The following LAMTOR3 variants were observed in gnomAD, a reference collection of about 807,000 sequenced individuals.
LAMTOR3 encodes the protein ragulator complex protein LAMTOR3.
Under a neutral mutation model 20.3 loss-of-function variants are expected in LAMTOR3, and 14 were observed. The observed-to-expected ratio is 0.69, with a 90% CI of 0.46 to 1.08. LAMTOR3 has a LOEUF of 1.08. LAMTOR3 is among the 50% of genes least tolerant of loss of function. LAMTOR3 has a pLI of 0.00. For synonymous variants in LAMTOR3, 40 were observed against 49.4 expected, an observed-to-expected ratio of 0.81 and a Z score of 0.80; for missense variants, 125 against 143.7, an observed-to-expected ratio of 0.87 and a Z score of 0.67.
intron 3 of LAMTOR3, among the ~76,000 whole-genome samples, chr4:99,890,026 CAA>C (rs1409575179): frequency 2.6e-5 from 4 of 151,926 alleles, no homozygotes; most frequent in African/African-American, 7.3e-5. Flanking sequence ...ATACAATGCG[CAA>C]AGAGTAATAT....
intron 2 of LAMTOR3, 127 bp downstream of exon 2, chr4:99,893,828 A>T: frequency 1.6e-6 from 1 of 608,780 alleles, no homozygotes; most frequent in Non-Finnish European, 2.7e-6. Flanking sequence ...GAAAATAATT[A>T]ACTGGGATGG....
chr4:99,893,804 C>G (rs1725069257), intron 2 of LAMTOR3, 151 bp downstream of exon 2: 2 of 535,400 alleles, frequency 3.7e-6, no homozygotes, highest in South Asian at 9.5e-5. Flanking sequence ...TAGTCTCCCA[C>G]TTCAGATATC....
chr4:99,884,706 T>C (rs1208717881), intron 5 of LAMTOR3, among the ~76,000 whole-genome samples: 1 of 152,204 alleles, frequency 6.6e-6, no homozygotes, highest in Non-Finnish European at 1.5e-5. Flanking sequence ...GGCTCACATC[T>C]GTAATCCCAG....
intron 3 of LAMTOR3, among the ~76,000 whole-genome samples, chr4:99,889,096 T>C (rs1724978709): frequency 6.6e-6 from 1 of 152,080 alleles, no homozygotes; most frequent in Admixed American, 6.6e-5. Flanking sequence ...TCCCAGCTAC[T>C]TGGGAGACTG....
rs1724780103 is a variant in LAMTOR3, at chr4:99,879,567, T to C, written c.*2427A>G. On this transcript the variant is annotated 3_prime_UTR_variant, in exon 7 of 7. Transcript: ENST00000499666. Reference sequence around the variant, plus strand: ...GAACGATATTAAATAATCCAGATAATGGGAATTCTGGATTTCAATGAGTAC... The same window carrying C: ...GAACGATATTAAATAATCCAGATAACGGGAATTCTGGATTTCAATGAGTAC... The C allele has an allele frequency of 6.6e-6, 1 of 152,104 alleles. No individual in the cohort carries two copies. The highest frequency in any genetic ancestry group is 2.4e-5 in the African/African-American group (1 of 41,376). 9.4% of individuals were successfully genotyped at this position (152,104 alleles called of 1,614,324 possible).
Position 99,894,005 on chromosome 4 carries a change from A to G in LAMTOR3, c.-37-5T>C, listed in dbSNP as rs770276850. ...TCGCAGGATCAATCTCCACGCCTGG[A>G]AGAGAAACTCCCGGTGACTCTTCCC... On this transcript the variant is annotated splice_polypyrimidine_tract_variant and splice_region_variant and intron_variant, in intron 1 of 6. Coordinates refer to ENST00000499666, the MANE Select transcript of LAMTOR3 (RefSeq NM_021970.4). The G allele has an allele frequency of 6.6e-7, 1 of 1,512,514 alleles. No homozygotes were observed. Among genetic ancestry groups the G allele is most frequent in the South Asian group, 1.3e-5 (1 of 76,966 alleles). 93.7% of individuals were successfully genotyped at this position (1,512,514 alleles called of 1,614,324 possible).
intron 2 of LAMTOR3, among the ~76,000 whole-genome samples, chr4:99,892,712 C>G (rs1725044668): frequency 6.8e-6 from 1 of 146,460 alleles, no homozygotes; most frequent in African/African-American, 2.5e-5. Context: ...GAGTTTCGCT[C>G]TTGTTGTCCA....
At chr4:99,890,248 T>C (rs1040332152) in intron 3 of LAMTOR3, among the ~76,000 whole-genome samples, 4 of 152,238 alleles carry the variant, frequency 2.6e-5, no homozygotes, top group African/African-American at 9.6e-5. Flanking sequence ...TATTTGGTTG[T>C]TTTAAAACAT....
In LAMTOR3 at chr4:99,881,989, T is replaced by C. The variant is rs1200330340; in HGVS notation, c.*5A>G. The C allele has an allele frequency of 6.3e-7, 1 of 1,592,086 alleles. No homozygotes were observed. Among genetic ancestry groups the C allele is most frequent in the Non-Finnish European group, 8.6e-7 (1 of 1,163,440 alleles). ...GATAAGGTACACACTGAAACCACTGTCAGATTAAGAAACTTCCACAACTTG... is the reference window on the plus strand; with the variant it reads ...GATAAGGTACACACTGAAACCACTGCCAGATTAAGAAACTTCCACAACTTG... On this transcript the variant is annotated 3_prime_UTR_variant, in exon 7 of 7. Transcript: ENST00000499666.
Position 99,885,409 on chromosome 4 carries a change from G to T in LAMTOR3, c.237+133C>A, listed in dbSNP as rs754710798. The T allele has an allele frequency of 2.0e-5, 13 of 657,208 alleles. No homozygotes were observed. The South Asian group carries it at 2.6e-4, about 13-fold the overall frequency. 40.7% of individuals were successfully genotyped at this position (657,208 alleles called of 1,614,324 possible). A position where few individuals can be genotyped will look rare whatever the true frequency, so the allele number is the denominator to read the frequency against. On this transcript the variant is annotated intron_variant, in intron 5 of 6. Coordinates refer to ENST00000499666, the MANE Select transcript of LAMTOR3 (RefSeq NM_021970.4). ...TACTACATTTTAATACAACCAATTT[G>T]AAGGCTAAAATTTTACAATTTCATC...
intron 2 of LAMTOR3, among the ~76,000 whole-genome samples, chr4:99,893,643 C>T (rs112176745): frequency 6.6e-5 from 10 of 152,312 alleles, no homozygotes; most frequent in Non-Finnish European, 4.4e-5. Context: ...AACCATCATT[C>T]AGAATTTCAA....
At chr4:99,882,308 A>T (rs900085368) in intron 6 of LAMTOR3, among the ~76,000 whole-genome samples, 6 of 152,160 alleles carry the variant, frequency 3.9e-5, no homozygotes, top group Admixed American at 3.3e-4. Flanking sequence ...TAACCCAAAA[A>T]TCTCAAATAT....
chr4:99,888,782 T>A (rs1404413254), intron 3 of LAMTOR3, among the ~76,000 whole-genome samples: 1 of 152,216 alleles, frequency 6.6e-6, no homozygotes, highest in African/African-American at 2.4e-5. Context: ...TTTGTCTTCC[T>A]TACATTAAAA....
In LAMTOR3 at chr4:99,881,835, T is replaced by C. The variant is rs1472614700; in HGVS notation, c.*159A>G. On this transcript the variant is annotated 3_prime_UTR_variant, in exon 7 of 7. Coordinates refer to ENST00000499666, the MANE Select transcript of LAMTOR3 (RefSeq NM_021970.4). ...ACCAGAAAATATAGCAACTGATCTA[T>C]CTATAAATTACATCTATATGCTAGC... The C allele has an allele frequency of 3.3e-6, 2 of 610,076 alleles. No homozygotes were observed. Among genetic ancestry groups the C allele is most frequent in the Non-Finnish European group, 2.9e-6 (1 of 343,602 alleles). The allele number at this position is 610,076 out of a possible 1,614,324, so 37.8% of individuals were successfully genotyped here. A position where few individuals can be genotyped will look rare whatever the true frequency, so the allele number is the denominator to read the frequency against.
intron 3 of LAMTOR3, among the ~76,000 whole-genome samples, chr4:99,889,814 G>A (rs1222743593): frequency 6.6e-6 from 1 of 152,104 alleles, no homozygotes; most frequent in Non-Finnish European, 1.5e-5. Context: ...AGAAAAATTA[G>A]TGCCACCACA....
At chr4:99,892,258 A>C (rs1012413176) in intron 2 of LAMTOR3, among the ~76,000 whole-genome samples, 42 of 152,250 alleles carry the variant, frequency 2.8e-4, no homozygotes, top group African/African-American at 9.9e-4. Context: ...GAATAGGGCT[A>C]ATATAGAACC....
intron 6 of LAMTOR3, among the ~76,000 whole-genome samples, chr4:99,883,687 C>T (rs1446611763): frequency 2.0e-5 from 3 of 150,870 alleles, no homozygotes; most frequent in East Asian, 1.9e-4. Flanking sequence ...CATTTTAATG[C>T]GTTTTGTTGG....
At chr4:99,890,551 A>G (rs1725003775) in intron 3 of LAMTOR3, among the ~76,000 whole-genome samples, 1 of 152,134 alleles carries the variant, frequency 6.6e-6, no homozygotes, top group African/African-American at 2.4e-5. Context: ...TTATTTCTTC[A>G]TTATTACTGT....
intron 2 of LAMTOR3, among the ~76,000 whole-genome samples, chr4:99,893,479 A>ACG (rs1725063959): frequency 1.3e-5 from 2 of 152,236 alleles, no homozygotes; most frequent in Admixed American, 1.3e-4. Context: ...TCCTACACAC[A>ACG]CACACACACA....
Sources: allele counts gnomAD v4.1 joint callset (sites outside exome capture counted in the v4.1 genomes callset), GRCh38; gene constraint gnomAD v4.1.1; transcripts MANE v1.5; gene names NCBI Gene and HGNC (gene_info 2026-07-23, HGNC 2026-07-21).